The following CTNND2 variants were observed in gnomAD, a reference collection of about 807,000 sequenced individuals.
The protein encoded by CTNND2 is catenin delta 2, also known as catenin delta-2.
CTNND2 carries 22 observed loss-of-function variants against 144.4 expected under a neutral mutation model. That is an observed-to-expected ratio of 0.15 (90% CI 0.11 to 0.22). The LOEUF (loss-of-function observed/expected upper bound fraction) is 0.22. Ranked by LOEUF, CTNND2 falls within the 10% of genes least tolerant of loss-of-function variation. CTNND2 has a pLI of 1.00. For synonymous variants in CTNND2, 751 were observed against 695.6 expected (o/e 1.08, Z -1.25); for missense variants, 1,353 against 1,618.8 (o/e 0.84, Z 2.82).
At position 11,444,609 on chromosome 5, in the gene CTNND2, C is replaced by T. The variant is rs1325450334; in HGVS notation, c.288-32540G>A. ...CCCAGCTACTTGGGAGGCTGAAGCA[C>T]AAGAATTGCTTGAACCCAGGAGGCA... On this transcript the variant is annotated intron_variant, in intron 3 of 21. Transcript: ENST00000304623. Among the ~76,000 whole-genome samples, 7 of 151,968 alleles carry T rather than the reference C, an allele frequency of 4.6e-5. 1 individual carries two copies. The highest frequency in any genetic ancestry group is 3.9e-4 in the Admixed American group (6 of 15,242).
At chr5:11,250,709 G>C (rs1042656206) in intron 9 of CTNND2, among the ~76,000 whole-genome samples, 1 of 151,562 alleles carries the variant, frequency 6.6e-6, no homozygotes, top group African/African-American at 2.4e-5. Flanking sequence ...TACAGACAGG[G>C]TCTCACTAGG....
chr5:11,538,907 A>G (rs1023601860), intron 3 of CTNND2, among the ~76,000 whole-genome samples: 4 of 152,198 alleles, frequency 2.6e-5, no homozygotes, highest in Non-Finnish European at 4.4e-5. Context: ...GATGTCTATA[A>G]TAAGAACTAA....
At chr5:11,175,234 G>A (rs1760361615) in intron 11 of CTNND2, among the ~76,000 whole-genome samples, 1 of 151,950 alleles carries the variant, frequency 6.6e-6, no homozygotes, top group Non-Finnish European at 1.5e-5. Context: ...AAAAGTGCAT[G>A]TTTTTGGTAT....
intron 11 of CTNND2, among the ~76,000 whole-genome samples, chr5:11,193,381 T>C (rs755156356): frequency 9.9e-5 from 15 of 152,218 alleles, no homozygotes; most frequent in Non-Finnish European, 2.1e-4. Context: ...TATTAAAATT[T>C]GAAGCATCTC....
At chr5:11,434,804 G>C (rs1763613058) in intron 3 of CTNND2, among the ~76,000 whole-genome samples, 1 of 152,062 alleles carries the variant, frequency 6.6e-6, no homozygotes, top group South Asian at 2.1e-4. Context: ...TAATAGTATA[G>C]GAAAAGAATG....
chr5:11,690,659 C>G (rs1233250283), intron 2 of CTNND2, among the ~76,000 whole-genome samples: 1 of 146,108 alleles, frequency 6.8e-6, no homozygotes, highest in East Asian at 2.1e-4. Context: ...TGGCGTGAAC[C>G]CGGGAAGTGG....
chr5:11,756,271 C>T (rs1788931991), intron 1 of CTNND2, among the ~76,000 whole-genome samples: 1 of 151,558 alleles, frequency 6.6e-6, no homozygotes, highest in South Asian at 2.1e-4. Flanking sequence ...TCTATCTGAT[C>T]TGAGTAAAAA....
At chr5:11,863,674 T>A (rs1191435926) in intron 1 of CTNND2, among the ~76,000 whole-genome samples, 1 of 152,192 alleles carries the variant, frequency 6.6e-6, no homozygotes, top group Non-Finnish European at 1.5e-5. Flanking sequence ...CAGCATAAAA[T>A]GATAATCACC....
chr5:11,479,053 C>T (rs1581286745), intron 3 of CTNND2, among the ~76,000 whole-genome samples: 2 of 152,222 alleles, frequency 1.3e-5, no homozygotes, highest in African/African-American at 4.8e-5. Flanking sequence ...TATAGGTTCA[C>T]TTGTGTCATG....
chr5:11,582,363 T>C lies in CTNND2; in HGVS notation c.175-17307A>G, dbSNP rs530527110. Reference sequence around the variant, plus strand: ...CAGAGTGGGACCTGATTCTATTCCATTGTTCTTTCTCAAAATATATTGCCC... The same window carrying C: ...CAGAGTGGGACCTGATTCTATTCCACTGTTCTTTCTCAAAATATATTGCCC... On this transcript the variant is annotated intron_variant, in intron 2 of 21. Transcript: ENST00000304623. Among the ~76,000 whole-genome samples, 35 of 152,314 alleles carry C rather than the reference T, an allele frequency of 2.3e-4. No homozygotes were observed. In the South Asian group the frequency reaches 6.6e-3, roughly 29 times the overall value.
intron 3 of CTNND2, among the ~76,000 whole-genome samples, chr5:11,415,088 T>C (rs1342280250): frequency 6.6e-6 from 1 of 152,214 alleles, no homozygotes; most frequent in East Asian, 1.9e-4. Context: ...TATGGTACAA[T>C]AATTCATATT....
chr5:11,683,008 C>T, intron 2 of CTNND2, among the ~76,000 whole-genome samples: 1 of 152,046 alleles, frequency 6.6e-6, no homozygotes, highest in East Asian at 1.9e-4. Context: ...ATACATAGCC[C>T]CACAATTTAA....
intron 16 of CTNND2, among the ~76,000 whole-genome samples, chr5:11,058,538 C>T (rs1746578250): frequency 6.6e-6 from 1 of 152,192 alleles, no homozygotes; most frequent in African/African-American, 2.4e-5. Flanking sequence ...GATGTCCAGG[C>T]AGAAGGGACA....
chr5:11,186,374 C>T (rs1311998071), intron 11 of CTNND2, among the ~76,000 whole-genome samples: 1 of 152,220 alleles, frequency 6.6e-6, no homozygotes, highest in Non-Finnish European at 1.5e-5. Flanking sequence ...TTGCTTACTG[C>T]TGGCTGTAAG....
At chr5:11,235,305 T>C (rs1741503258) in intron 10 of CTNND2, among the ~76,000 whole-genome samples, 1 of 152,160 alleles carries the variant, frequency 6.6e-6, no homozygotes, top group Non-Finnish European at 1.5e-5. Flanking sequence ...AAAGACAACA[T>C]ATGATGATGG....
At chr5:11,577,807 T>G (rs1778081851) in intron 2 of CTNND2, among the ~76,000 whole-genome samples, 1 of 152,222 alleles carries the variant, frequency 6.6e-6, no homozygotes, top group Non-Finnish European at 1.5e-5. Context: ...CCCTTTGAAA[T>G]TTTATGGAAC....
chr5:11,504,291 TGAC>T (rs1418464479), intron 3 of CTNND2, among the ~76,000 whole-genome samples: 1 of 152,222 alleles, frequency 6.6e-6, no homozygotes, highest in African/African-American at 2.4e-5. Flanking sequence ...CTGATGATGA[TGAC>T]GACGATGACT....
intron 19 of CTNND2, 97 bp downstream of exon 19, chr5:10,992,454 G>T: frequency 6.5e-7 from 1 of 1,536,144 alleles, no homozygotes; most frequent in Non-Finnish European, 9.0e-7. Context: ...TGAATGGAAG[G>T]CTCTCCTCTG....
chr5:11,514,424 AT>A (rs142984326), intron 3 of CTNND2, among the ~76,000 whole-genome samples: 2,507 of 152,306 alleles, frequency 0.016, 35 homozygotes, highest in Non-Finnish European at 0.022. Flanking sequence ...GGCTGTATTC[AT>A]TTGATGGATT....
Sources: gnomAD v4.1 joint callset for allele counts (sites outside exome capture counted in the v4.1 genomes callset) on GRCh38, gnomAD v4.1.1 for gene constraint, MANE v1.5 for transcripts, NCBI Gene and HGNC (gene_info 2026-07-23, HGNC 2026-07-21) for gene names.